The following RTN4 variants were observed in gnomAD, a reference collection of about 807,000 sequenced individuals.
RTN4 encodes reticulon-4.
Under a neutral mutation model 90.4 loss-of-function variants are expected in RTN4, and 32 were observed. The observed-to-expected ratio is 0.35, with a 90% CI of 0.27 to 0.48. The LOEUF (loss-of-function observed/expected upper bound fraction) is 0.48. RTN4 is among the 20% of genes least tolerant of loss of function. The probability of loss-of-function intolerance (pLI) is 0.99; values close to 1 mark genes in which losing one functional copy is unlikely to be tolerated. For synonymous variants in RTN4, 629 were observed against 552.5 expected, an observed-to-expected ratio of 1.14 and a Z score of -1.94; for missense variants, 1,706 against 1,430.2, an observed-to-expected ratio of 1.19 and a Z score of -3.11.
chr2:55,116,875 C>CTTTT (rs67265925), upstream of RTN4, among the ~76,000 whole-genome samples: 3 of 126,726 alleles, frequency 2.4e-5, no homozygotes, highest in Non-Finnish European at 3.2e-5. Context: ...TCTTTTTTTC[C>CTTTT]TTTTTTTTTT....
At chr2:55,060,215 G>A (rs542246305) in intron 2 of RTN4, among the ~76,000 whole-genome samples, 1 of 152,316 alleles carries the variant, frequency 6.6e-6, no homozygotes, top group South Asian at 2.1e-4. Context: ...ATTACAAAAA[G>A]CTAATTCAAT....
At chr2:55,079,643 A>G (rs542451619) in intron 2 of RTN4, among the ~76,000 whole-genome samples, 2 of 152,342 alleles carry the variant, frequency 1.3e-5, no homozygotes, top group African/African-American at 2.4e-5. Context: ...AAAAGGTACT[A>G]TACTCATAGG....
intron 1 of RTN4, among the ~76,000 whole-genome samples, chr2:55,088,132 T>C (rs150280162): frequency 6.6e-6 from 1 of 152,336 alleles, no homozygotes; most frequent in Non-Finnish European, 1.5e-5. Flanking sequence ...TCTCAAGTAC[T>C]TACGGGTTAT....
chr2:55,085,502 C>G (rs952328832), intron 1 of RTN4, among the ~76,000 whole-genome samples: 3 of 152,160 alleles, frequency 2.0e-5, no homozygotes, highest in Admixed American at 2.0e-4. Context: ...AGCTCAGTCT[C>G]TTAAGACCCT....
At chr2:55,059,937 C>G (rs1174338297) in intron 2 of RTN4, among the ~76,000 whole-genome samples, 1 of 152,068 alleles carries the variant, frequency 6.6e-6, no homozygotes, top group African/African-American at 2.4e-5. Context: ...CTTGGCCTCC[C>G]AAAGTGCTGG....
chr2:54,979,143 T>C (rs959872154), intron 5 of RTN4, among the ~76,000 whole-genome samples: 8 of 151,906 alleles, frequency 5.3e-5, no homozygotes, highest in African/African-American at 1.7e-4. Flanking sequence ...ATCCTCCACC[T>C]CCTGGGCTCA....
intron 2 of RTN4, among the ~76,000 whole-genome samples, chr2:55,072,149 A>AT (rs5831337): frequency 0.68 from 100,691 of 148,496 alleles, 36,135 homozygotes; most frequent in East Asian, 0.9. Flanking sequence ...GTTTTTAGTT[A>AT]TTTTTTTTTT....
At chr2:55,001,055 GAAT>G (rs1471520448) in intron 3 of RTN4, among the ~76,000 whole-genome samples, 1 of 151,998 alleles carries the variant, frequency 6.6e-6, no homozygotes, top group East Asian at 1.9e-4. Flanking sequence ...GTGAATTTAA[GAAT>G]GATATTAAAA....
At chr2:55,003,730 G>T (rs1409822780) in intron 3 of RTN4, among the ~76,000 whole-genome samples, 3 of 152,178 alleles carry the variant, frequency 2.0e-5, no homozygotes, top group African/African-American at 7.2e-5. Flanking sequence ...GACTGCATCT[G>T]TAACTAAGCA....
At chr2:55,082,427 C>G (rs1463241509) in intron 1 of RTN4, among the ~76,000 whole-genome samples, 1 of 152,224 alleles carries the variant, frequency 6.6e-6, no homozygotes, top group Non-Finnish European at 1.5e-5. Flanking sequence ...AACTACCACA[C>G]TCCCAACATG....
At chr2:55,093,097 G>C (rs1441310422) in intron 1 of RTN4, among the ~76,000 whole-genome samples, 1 of 152,186 alleles carries the variant, frequency 6.6e-6, no homozygotes, top group East Asian at 1.9e-4. Context: ...TCTAAGAGCT[G>C]CTTGAAAATG....
chr2:54,975,546 T>C (rs1027156034), intron 5 of RTN4, among the ~76,000 whole-genome samples: 2 of 152,230 alleles, frequency 1.3e-5, no homozygotes, highest in African/African-American at 4.8e-5. Flanking sequence ...ATGGGCCACA[T>C]AGGGTTTGTG....
At chr2:55,046,102 C>A (rs931911238) in intron 1 of RTN4, among the ~76,000 whole-genome samples, 4 of 151,586 alleles carry the variant, frequency 2.6e-5, no homozygotes, top group Non-Finnish European at 4.4e-5. Flanking sequence ...ACGTAAACAG[C>A]AATGTTAAAC....
At chr2:55,049,718 C>A in intron 1 of RTN4, 27 bp downstream of exon 1, 1 of 1,401,678 alleles carries the variant, frequency 7.1e-7, no homozygotes, top group Non-Finnish European at 9.4e-7. Flanking sequence ...CGAGGGGCGG[C>A]GCGAAGCGAG....
At position 55,081,251 on chromosome 2, in the gene RTN4, A is replaced by AT. The variant is rs568605959; in HGVS notation, c.-213-613dup. On this transcript the variant is annotated intron_variant, in intron 1 of 3. Transcript: ENST00000427710. ...ACCATGCCCTGCTAATTTGTTTTTT[A>AT]TTTTTTGTAGAGACAGGGTCTCACT... 4.4e-3 allele frequency among the ~76,000 whole-genome samples: 673 copies of AT among 151,922 alleles called. 4 individuals are homozygous for AT. The highest frequency in any genetic ancestry group is 0.013 in the African/African-American group (532 of 41,394).
At chr2:54,985,153 CTTTTTTTTTTTT>C (rs71769973) in intron 4 of RTN4, among the ~76,000 whole-genome samples, 38 of 57,896 alleles carry the variant, frequency 6.6e-4, no homozygotes, top group Admixed American at 9.0e-4. Flanking sequence ...ATGACTCGGC[CTTTTTTTTTTTT>C]TTTTTTTTTT....
intron 1 of RTN4, among the ~76,000 whole-genome samples, chr2:55,041,919 G>C (rs1420913777): frequency 6.6e-6 from 1 of 151,768 alleles, no homozygotes. Context: ...ATACCATATG[G>C]TCAAAATACA....
chr2:55,067,621 G>A (rs1011014534), intron 2 of RTN4, among the ~76,000 whole-genome samples: 2 of 151,902 alleles, frequency 1.3e-5, no homozygotes, highest in Non-Finnish European at 2.9e-5. Context: ...CACCATGTTG[G>A]CCAGGCTGAT....
At chr2:55,066,193 T>G (rs56042328) in intron 2 of RTN4, among the ~76,000 whole-genome samples, 1,717 of 110,932 alleles carry the variant, frequency 0.015, 16 homozygotes, top group East Asian at 0.093. Context: ...GTGTGTGTGT[T>G]TGTGTGTGTG....
Sources: allele counts gnomAD v4.1 joint callset (sites outside exome capture counted in the v4.1 genomes callset), GRCh38; gene constraint gnomAD v4.1.1; transcripts MANE v1.5; gene names NCBI Gene and HGNC (gene_info 2026-07-23, HGNC 2026-07-21).